The following SAMMSON variants were observed in gnomAD, a reference collection of about 807,000 sequenced individuals.
The protein encoded by SAMMSON is survival associated mitochondrial melanoma specific oncogenic non-coding RNA.
chr3:70,151,710 G>T (rs2067572531), intron 4 of SAMMSON, among the ~76,000 whole-genome samples: 1 of 151,850 alleles, frequency 6.6e-6, no homozygotes, highest in African/African-American at 2.4e-5. Context: ...AGAAAAAATT[G>T]CTTATAATGC....
intron 3 of SAMMSON, among the ~76,000 whole-genome samples, chr3:70,017,847 G>A (rs1203246367): frequency 6.6e-6 from 1 of 152,060 alleles, no homozygotes; most frequent in South Asian, 2.1e-4. Flanking sequence ...ATAATCATGT[G>A]GTTTTTGTCT....
Position 70,239,268 on chromosome 3 carries a change from T to C in SAMMSON, n.508-9839T>C, listed in dbSNP as rs536317851. 2.6e-5 allele frequency among the ~76,000 whole-genome samples: 4 copies of C among 152,146 alleles called. No homozygotes were observed. In the East Asian group the frequency reaches 7.7e-4, roughly 29 times the overall value. Reference sequence around the variant, plus strand: ...ATTGTTATCTTGATTTCAAAGATTGTTTTAAAAAATCAAATGGTTTTCACA... The same window carrying C: ...ATTGTTATCTTGATTTCAAAGATTGCTTTAAAAAATCAAATGGTTTTCACA... On this transcript the variant is annotated intron_variant and non_coding_transcript_variant, in intron 4 of 9. Coordinates refer to ENST00000642114, the Ensembl canonical transcript of SAMMSON.
intron 7 of SAMMSON, among the ~76,000 whole-genome samples, chr3:70,307,608 T>A (rs1340225185): frequency 6.6e-6 from 1 of 152,188 alleles, no homozygotes; most frequent in Non-Finnish European, 1.5e-5. Flanking sequence ...AGGTCATATT[T>A]TTCTCGCTTC....
intron 2 of SAMMSON, among the ~76,000 whole-genome samples, chr3:70,401,787 CT>C (rs1267828218): frequency 3.3e-5 from 5 of 152,064 alleles, no homozygotes; most frequent in Admixed American, 6.5e-5. Context: ...TTCCTTTTGC[CT>C]AAGGCAAAAA....
At chr3:70,394,876 A>T (rs894758039) in intron 2 of SAMMSON, among the ~76,000 whole-genome samples, 1 of 152,346 alleles carries the variant, frequency 6.6e-6, no homozygotes, top group African/African-American at 2.4e-5. Context: ...ATTGTAAAAC[A>T]AACAGCCAGC....
chr3:70,244,516 G>A lies in SAMMSON; in HGVS notation n.508-4591G>A, dbSNP rs149592881. ...TTAATTTTTTAATGCTGTGAAAGCT[G>A]TGAGTAGGCTAACAAATCTATTTGA... is the stretch of plus-strand genomic sequence containing the variant. On this transcript the variant is annotated intron_variant and non_coding_transcript_variant, in intron 4 of 9. Transcript: ENST00000642114. 7.0e-4 allele frequency among the ~76,000 whole-genome samples: 106 copies of A among 152,306 alleles called. 1 individual carries two copies. Among genetic ancestry groups the A allele is most frequent in the African/African-American group, 2.5e-3 (103 of 41,568 alleles).
At chr3:70,012,903 A>T (rs563425436) in intron 2 of SAMMSON, among the ~76,000 whole-genome samples, 51 of 152,274 alleles carry the variant, frequency 3.3e-4, no homozygotes, top group Non-Finnish European at 2.2e-4. Flanking sequence ...CTACCATACA[A>T]GGAAGCACCG....
At chr3:70,054,774 G>A (rs944000295) in intron 3 of SAMMSON, among the ~76,000 whole-genome samples, 1 of 152,062 alleles carries the variant, frequency 6.6e-6, no homozygotes, top group African/African-American at 2.4e-5. Flanking sequence ...TGGTCAGCTA[G>A]AAAAAGTTCG....
intron 4 of SAMMSON, among the ~76,000 whole-genome samples, chr3:70,192,537 A>G (rs908390089): frequency 6.6e-6 from 1 of 152,148 alleles, no homozygotes; most frequent in African/African-American, 2.4e-5. Context: ...GGCCCAATGA[A>G]TGTCCTGGCC....
chr3:70,141,817 G>T (rs943385832), intron 4 of SAMMSON, among the ~76,000 whole-genome samples: 1 of 152,082 alleles, frequency 6.6e-6, no homozygotes, highest in Non-Finnish European at 1.5e-5. Flanking sequence ...ACAGCTAAAA[G>T]AATAGAGCCA....
chr3:70,268,474 C>CAAAAAAAAA (rs66482424), intron 6 of SAMMSON, among the ~76,000 whole-genome samples: 1 of 96,592 alleles, frequency 1.0e-5, no homozygotes, highest in Non-Finnish European at 2.0e-5. Flanking sequence ...GACTCCGTCT[C>CAAAAAAAAA]AAAAAAAAAA....
intron 6 of SAMMSON, among the ~76,000 whole-genome samples, chr3:70,249,888 C>A (rs1010958203): frequency 6.6e-6 from 1 of 152,016 alleles, no homozygotes; most frequent in African/African-American, 2.4e-5. Flanking sequence ...TAAAAAAATT[C>A]TTGAGGGGGC....
At chr3:70,420,161 A>T (rs1015651661) in intron 2 of SAMMSON, among the ~76,000 whole-genome samples, 1 of 152,174 alleles carries the variant, frequency 6.6e-6, no homozygotes, top group Non-Finnish European at 1.5e-5. Context: ...ATAAACTGGT[A>T]ATAGAACTAT....
chr3:70,378,793 A>G (rs1703041459), intron 9 of SAMMSON, among the ~76,000 whole-genome samples: 1 of 152,054 alleles, frequency 6.6e-6, no homozygotes, highest in African/African-American at 2.4e-5. Flanking sequence ...TTATTGTGAC[A>G]TCATATGCAA....
chr3:70,209,357 T>C (rs1701320345), intron 4 of SAMMSON, among the ~76,000 whole-genome samples: 1 of 152,060 alleles, frequency 6.6e-6, no homozygotes, highest in Non-Finnish European at 1.5e-5. Context: ...TCACTGTGGT[T>C]GAAAAGCACT....
chr3:70,377,493 T>A (rs1380498685), intron 9 of SAMMSON, among the ~76,000 whole-genome samples: 1 of 152,006 alleles, frequency 6.6e-6, no homozygotes, highest in Non-Finnish European at 1.5e-5. Flanking sequence ...AGAAATAAAT[T>A]CCAGATGGGT....
chr3:70,408,345 T>C lies in SAMMSON; in HGVS notation n.233+50021T>C, dbSNP rs535745282. 1.4e-4 allele frequency among the ~76,000 whole-genome samples: 22 copies of C among 152,372 alleles called. 1 individual carries two copies. Among genetic ancestry groups the C allele is most frequent in the African/African-American group, 5.3e-4 (22 of 41,598 alleles). On this transcript the variant is annotated intron_variant and non_coding_transcript_variant, in intron 2 of 3. Coordinates refer to the SAMMSON transcript ENST00000641053. Reference sequence around the variant, plus strand: ...TCAGAAAATGGATTTTTCTTTTCTATCACATTGTCAGGCTGCACATTTTCT... The same window carrying C: ...TCAGAAAATGGATTTTTCTTTTCTACCACATTGTCAGGCTGCACATTTTCT...
Position 70,017,265 on chromosome 3 carries a change from A to G in SAMMSON, n.417+3593A>G, listed in dbSNP as rs191580674. Among the ~76,000 whole-genome samples, 384 of 152,106 alleles carry G rather than the reference A, an allele frequency of 2.5e-3. 1 individual carries two copies. Among genetic ancestry groups the G allele is most frequent in the Non-Finnish European group, 4.3e-3 (292 of 68,012 alleles). ...GTTTGTATCTTCTTTTCTTTCATTG[A>G]GCAGTGGTTTGTAGTTCTCCTTGAA... On this transcript the variant is annotated intron_variant and non_coding_transcript_variant, in intron 3 of 9. Transcript: ENST00000642114.
intron 7 of SAMMSON, among the ~76,000 whole-genome samples, chr3:70,347,863 C>G (rs1033469321): frequency 1.3e-5 from 2 of 152,086 alleles, no homozygotes; most frequent in African/African-American, 2.4e-5. Context: ...GCCAACATGG[C>G]AAAGCCCCAT....
Sources: gnomAD v4.1 joint callset for allele counts (sites outside exome capture counted in the v4.1 genomes callset) on GRCh38, gnomAD v4.1.1 for gene constraint, MANE v1.5 for transcripts, NCBI Gene and HGNC (gene_info 2026-07-23, HGNC 2026-07-21) for gene names.